The following KIAA1671 variants were observed in gnomAD, a reference collection of about 807,000 sequenced individuals.
KIAA1671 encodes uncharacterized protein KIAA1671.
KIAA1671 carries 52 observed loss-of-function variants against 131.2 expected under a neutral mutation model. That is an observed-to-expected ratio of 0.40 (90% CI 0.32 to 0.50). The LOEUF is 0.50. KIAA1671 is among the 20% of genes least tolerant of loss of function. KIAA1671 has a pLI of 0.73. For synonymous variants in KIAA1671, 1,003 were observed against 961.6 expected (o/e 1.04, Z -0.80); for missense variants, 2,360 against 2,364.2 (o/e 1.00, Z 0.04).
At position 25,197,326 on chromosome 22, in the gene KIAA1671, C is replaced by T. The variant is rs1237639170; in HGVS notation, c.*4925C>T. The T allele has an allele frequency of 6.6e-6, 1 of 152,200 alleles. No homozygotes were observed. Among genetic ancestry groups the T allele is most frequent in the Non-Finnish European group, 1.5e-5 (1 of 68,050 alleles). 9.4% of individuals were successfully genotyped at this position (152,200 alleles called of 1,614,324 possible). A position where few individuals can be genotyped will look rare whatever the true frequency, so the allele number is the denominator to read the frequency against. Reference sequence around the variant, plus strand: ...TAACTGTAAAGAAGTTTCATATGCACAGAAGAGCAGTTGGAAATCTGGTCG... The same window carrying T: ...TAACTGTAAAGAAGTTTCATATGCATAGAAGAGCAGTTGGAAATCTGGTCG... On this transcript the variant is annotated 3_prime_UTR_variant, in exon 13 of 13. Coordinates refer to ENST00000358431, the MANE Select transcript of KIAA1671 (RefSeq NM_001145206.2).
chr22:25,182,658 C>G (rs1490643538), intron 10 of KIAA1671, among the ~76,000 whole-genome samples: 1 of 152,176 alleles, frequency 6.6e-6, no homozygotes, highest in Non-Finnish European at 1.5e-5. Context: ...GTTGCTTAAT[C>G]TCCACTTTCT....
chr22:24,956,446 C>G (rs185316050), intron 1 of KIAA1671, among the ~76,000 whole-genome samples: 2 of 152,350 alleles, frequency 1.3e-5, no homozygotes, highest in African/African-American at 4.8e-5. Context: ...AACTCCCTTC[C>G]AACTTGCAAC....
intron 1 of KIAA1671, among the ~76,000 whole-genome samples, chr22:24,973,267 G>A (rs1602036189): frequency 6.6e-6 from 1 of 152,160 alleles, no homozygotes; most frequent in East Asian, 1.9e-4. Flanking sequence ...GGAGGCCAGT[G>A]AGGAAGCTAC....
At chr22:25,008,509 C>T (rs1402674240) in intron 1 of KIAA1671, among the ~76,000 whole-genome samples, 1 of 152,148 alleles carries the variant, frequency 6.6e-6, no homozygotes, top group East Asian at 1.9e-4. Context: ...CACTTAATAA[C>T]ACAGCCACTA....
chr22:25,085,509 T>TCCC (rs150670577), intron 6 of KIAA1671, among the ~76,000 whole-genome samples: 5 of 144,994 alleles, frequency 3.4e-5, no homozygotes, highest in Admixed American at 7.0e-5. Flanking sequence ...GGCCCCCACC[T>TCCC]CCCCCCCCAT....
chr22:25,119,781 A>G (rs916972521), intron 6 of KIAA1671, among the ~76,000 whole-genome samples: 4 of 152,200 alleles, frequency 2.6e-5, no homozygotes, highest in Admixed American at 2.0e-4. Context: ...CAGGAAAGGC[A>G]GTGCAAAGGC....
At chr22:25,068,592 G>A (rs748872865) in intron 6 of KIAA1671, among the ~76,000 whole-genome samples, 2 of 152,054 alleles carry the variant, frequency 1.3e-5, no homozygotes, top group East Asian at 1.9e-4. Context: ...GCCCGCCTCC[G>A]CGGCCGGCTA....
chr22:25,068,600 CT>C (rs1321877325), intron 6 of KIAA1671, among the ~76,000 whole-genome samples: 1 of 152,164 alleles, frequency 6.6e-6, no homozygotes, highest in Non-Finnish European at 1.5e-5. Context: ...CCGCGGCCGG[CT>C]AATTTTTTAT....
At chr22:25,105,918 G>A (rs944470159) in intron 6 of KIAA1671, among the ~76,000 whole-genome samples, 6 of 152,026 alleles carry the variant, frequency 3.9e-5, no homozygotes, top group African/African-American at 9.7e-5. Flanking sequence ...AGTAAAATGT[G>A]AGTGATAACC....
chr22:25,107,837 G>A (rs960228986), intron 6 of KIAA1671, among the ~76,000 whole-genome samples: 4 of 151,904 alleles, frequency 2.6e-5, no homozygotes, highest in East Asian at 1.9e-4. Context: ...GTGAAACCCC[G>A]TCTCTACTAA....
chr22:25,019,966 C>T (rs1228831221), intron 1 of KIAA1671, among the ~76,000 whole-genome samples: 1 of 152,082 alleles, frequency 6.6e-6, no homozygotes, highest in East Asian at 1.9e-4. Flanking sequence ...GTGTTATTGC[C>T]TGTGGTATGT....
In KIAA1671 at chr22:25,107,696, T is replaced by TG. The variant is rs560724922; in HGVS notation, c.4530+58332_4530+58333insG. Among the ~76,000 whole-genome samples the TG allele has an allele frequency of 1.9e-3, 288 of 151,828 alleles. 1 individual carries two copies. The highest frequency in any genetic ancestry group is 6.8e-3 in the African/African-American group (282 of 41,428). On this transcript the variant is annotated intron_variant, in intron 6 of 12. Coordinates refer to ENST00000358431, the MANE Select transcript of KIAA1671 (RefSeq NM_001145206.2). ...AGCCACAGCACCCAGCACTCCATTT[T>TG]TTGTGTGTGTGTGCATTTCAAAATA...
intron 1 of KIAA1671, among the ~76,000 whole-genome samples, chr22:24,973,748 A>G (rs1244760074): frequency 1.3e-5 from 2 of 152,078 alleles, no homozygotes; most frequent in African/African-American, 2.4e-5. Flanking sequence ...TGTCTCTACT[A>G]TGGAAATATG....
chr22:24,990,213 C>A (rs1344970542), intron 1 of KIAA1671, among the ~76,000 whole-genome samples: 1 of 152,136 alleles, frequency 6.6e-6, no homozygotes, highest in East Asian at 1.9e-4. Flanking sequence ...GCCTCAGCCT[C>A]CCAAGTAGCT....
At chr22:25,161,917 A>G (rs1355110229) in intron 6 of KIAA1671, among the ~76,000 whole-genome samples, 9 of 151,954 alleles carry the variant, frequency 5.9e-5, no homozygotes, top group Non-Finnish European at 1.5e-5. Context: ...CCTCTATAAA[A>G]TGGTTATTGA....
intron 6 of KIAA1671, among the ~76,000 whole-genome samples, chr22:25,086,338 A>G (rs1929719325): frequency 1.3e-5 from 2 of 152,230 alleles, no homozygotes; most frequent in African/African-American, 4.8e-5. Flanking sequence ...TCTTGTGGGT[A>G]GGGACATGTC....
intron 1 of KIAA1671, among the ~76,000 whole-genome samples, chr22:24,990,527 T>C (rs1170474892): frequency 3.9e-5 from 6 of 152,204 alleles, no homozygotes; most frequent in Non-Finnish European, 7.3e-5. Context: ...CTCACACACA[T>C]GTGCCTGCCC....
intron 6 of KIAA1671, among the ~76,000 whole-genome samples, chr22:25,136,237 C>A (rs1299845148): frequency 6.6e-6 from 1 of 152,174 alleles, no homozygotes. Context: ...TGGTTTTAAA[C>A]ACCCCCTCCT....
At chr22:25,173,330 C>T (rs961686656) in intron 7 of KIAA1671, among the ~76,000 whole-genome samples, 1 of 152,164 alleles carries the variant, frequency 6.6e-6, no homozygotes, top group Non-Finnish European at 1.5e-5. Context: ...CAGTTATAGG[C>T]TAATCCTCAT....
Sources: gnomAD v4.1 joint callset for allele counts (sites outside exome capture counted in the v4.1 genomes callset) on GRCh38, gnomAD v4.1.1 for gene constraint, MANE v1.5 for transcripts, NCBI Gene and HGNC (gene_info 2026-07-23, HGNC 2026-07-21) for gene names.